Variants in PTPRT observed in about 807,000 individuals in gnomAD.
The protein encoded by PTPRT is receptor-type tyrosine-protein phosphatase T.
PTPRT carries 56 observed loss-of-function variants against 176.8 expected under a neutral mutation model. The ratio of observed to expected loss-of-function variants is 0.32; its 90% CI spans 0.26 to 0.40. The LOEUF (loss-of-function observed/expected upper bound fraction) is 0.40, where lower values mean the gene tolerates loss of function less well. PTPRT is among the 10% of genes least tolerant of loss of function. The probability of loss-of-function intolerance (pLI) is 1.00; values close to 1 mark genes in which losing one functional copy is unlikely to be tolerated. For missense variants in PTPRT, 1,540 were observed against 1,908.2 expected, an observed-to-expected ratio of 0.81 and a Z score of 3.60; for synonymous variants, 783 against 739.0, an observed-to-expected ratio of 1.06 and a Z score of -0.96.
At chr20:42,409,147 C>A (rs1025614654) in intron 9 of PTPRT, among the ~76,000 whole-genome samples, 6 of 151,772 alleles carry the variant, frequency 4.0e-5, no homozygotes, top group African/African-American at 9.7e-5. Flanking sequence ...CCATTGCAAT[C>A]AAAAAAAGTT....
Position 43,009,114 on chromosome 20 carries a change from T to C in PTPRT, c.89-123182A>G, listed in dbSNP as rs1376377554. 2.6e-5 allele frequency among the ~76,000 whole-genome samples: 4 copies of C among 152,132 alleles called. No individual in the cohort carries two copies. The East Asian group carries it at 7.7e-4, about 29-fold the overall frequency. The stretch of plus-strand genomic sequence containing the variant: ...AATGGCAAGACAGGGCAAGGAGCAA[T>C]GGGAGCTGTGAGTCTACTTCAAGGT... On this transcript the variant is annotated intron_variant, in intron 1 of 30. Transcript: ENST00000373187.
At chr20:42,576,343 A>G (rs1348579845) in intron 7 of PTPRT, among the ~76,000 whole-genome samples, 2 of 152,194 alleles carry the variant, frequency 1.3e-5, no homozygotes, top group Non-Finnish European at 2.9e-5. Flanking sequence ...TAAATCCTGA[A>G]CATCTGGAAG....
chr20:42,034,580 G>A, the PTPRT span, among the ~76,000 whole-genome samples: 13 of 152,106 alleles, frequency 8.5e-5, no homozygotes, highest in African/African-American at 3.1e-4. Context: ...CTCATGTAGG[G>A]TTCCTTCCAG....
rs116910893 is a variant in PTPRT, at chr20:42,380,324, A to C, written c.1561-28039T>G. 2.7e-3 allele frequency among the ~76,000 whole-genome samples: 409 copies of C among 152,076 alleles called. 1 individual carries two copies. Among genetic ancestry groups the C allele is most frequent in the Non-Finnish European group, 3.5e-3 (241 of 67,992 alleles). On this transcript the variant is annotated intron_variant, in intron 9 of 30. Transcript: ENST00000373187. ...AAATGGCCAGCTTTCTGGCACCGAG[A>C]TGCATTAGGCACTGACTGGTAGGCT...
At chr20:42,774,692 C>A in intron 4 of PTPRT, among the ~76,000 whole-genome samples, 1 of 152,218 alleles carries the variant, frequency 6.6e-6, no homozygotes, top group Non-Finnish European at 1.5e-5. Flanking sequence ...GGGATGCCCC[C>A]ACCACTCCAT....
intron 2 of PTPRT, among the ~76,000 whole-genome samples, chr20:42,807,559 A>AT (rs1018407729): frequency 7.9e-5 from 12 of 151,750 alleles, no homozygotes; most frequent in African/African-American, 1.9e-4. Flanking sequence ...TTTTCTGGTT[A>AT]TTTTTTTTAC....
intron 9 of PTPRT, among the ~76,000 whole-genome samples, chr20:42,418,252 C>T (rs1217670810): frequency 6.6e-6 from 1 of 152,226 alleles, no homozygotes; most frequent in Admixed American, 6.5e-5. Context: ...TAAAACTATA[C>T]ATTATTAAAA....
At chr20:42,579,514 C>T (rs143140372) in intron 7 of PTPRT, among the ~76,000 whole-genome samples, 241 of 152,304 alleles carry the variant, frequency 1.6e-3, no homozygotes, top group African/African-American at 4.5e-3. Context: ...AACTAGTTTA[C>T]AGTCCCACCA....
Position 42,942,270 on chromosome 20 carries a change from G to C in PTPRT, c.89-56338C>G, listed in dbSNP as rs73907416. On this transcript the variant is annotated intron_variant, in intron 1 of 30. Coordinates refer to ENST00000373187, the MANE Select transcript of PTPRT (RefSeq NM_007050.6). ...GGCTGGCTGGGTCAAGAGGAGGATG[G>C]GGCACTGGGCAACCAACAGGAAAGG... 3.7e-3 allele frequency among the ~76,000 whole-genome samples: 564 copies of C among 152,282 alleles called. 2 individuals carry two copies. Among genetic ancestry groups the C allele is most frequent in the African/African-American group, 0.013 (537 of 41,566 alleles).
At chr20:42,614,270 T>A (rs537661694) in intron 7 of PTPRT, among the ~76,000 whole-genome samples, 2 of 152,194 alleles carry the variant, frequency 1.3e-5, no homozygotes, top group South Asian at 4.2e-4. Context: ...TCACAATGGA[T>A]TTGAACACCC....
chr20:42,363,734 G>A (rs777261551), intron 9 of PTPRT, among the ~76,000 whole-genome samples: 5 of 152,064 alleles, frequency 3.3e-5, no homozygotes, highest in Admixed American at 1.3e-4. Flanking sequence ...GGCTACTACC[G>A]TTACTATTCC....
At chr20:42,765,493 G>A (rs531517597) in intron 5 of PTPRT, among the ~76,000 whole-genome samples, 19 of 152,162 alleles carry the variant, frequency 1.2e-4, no homozygotes, top group African/African-American at 4.6e-4. Context: ...CTGTAACTGG[G>A]AAAAAGTGAC....
At chr20:42,387,883 C>T (rs866694502) in intron 9 of PTPRT, among the ~76,000 whole-genome samples, 1 of 151,908 alleles carries the variant, frequency 6.6e-6, no homozygotes, top group Non-Finnish European at 1.5e-5. Context: ...CCCCTACCTC[C>T]TGGGTTCAAA....
chr20:42,225,180 C>T (rs2055977563), intron 15 of PTPRT, among the ~76,000 whole-genome samples: 1 of 152,094 alleles, frequency 6.6e-6, no homozygotes, highest in African/African-American at 2.4e-5. Context: ...TAAAATCCTC[C>T]TACTTCATTC....
chr20:42,034,170 T>C, the PTPRT span, among the ~76,000 whole-genome samples: 2 of 152,170 alleles, frequency 1.3e-5, no homozygotes, highest in African/African-American at 4.8e-5. Context: ...AGGTGTTGAA[T>C]GAGACTGCAG....
At chr20:43,081,650 C>A (rs1315753378) in intron 1 of PTPRT, among the ~76,000 whole-genome samples, 1 of 152,096 alleles carries the variant, frequency 6.6e-6, no homozygotes, top group Non-Finnish European at 1.5e-5. Context: ...TTCATTGACT[C>A]AGAGAATATG....
At chr20:42,465,083 A>G (rs2145902996) in intron 8 of PTPRT, among the ~76,000 whole-genome samples, 1 of 152,066 alleles carries the variant, frequency 6.6e-6, no homozygotes. Flanking sequence ...ATTAATTATA[A>G]TCAATTACAT....
intron 6 of PTPRT, among the ~76,000 whole-genome samples, chr20:42,701,884 A>G (rs1465815081): frequency 6.6e-6 from 1 of 152,078 alleles, no homozygotes; most frequent in Non-Finnish European, 1.5e-5. Flanking sequence ...CTAGATCTAG[A>G]GTTCTTGTTT....
chr20:42,586,523 C>T (rs767030268), intron 7 of PTPRT, among the ~76,000 whole-genome samples: 2 of 152,136 alleles, frequency 1.3e-5, no homozygotes, highest in East Asian at 1.9e-4. Context: ...TCCACCAGAG[C>T]CTGCATTTTC....
Sources: gnomAD v4.1 joint callset for allele counts (sites outside exome capture counted in the v4.1 genomes callset) on GRCh38, gnomAD v4.1.1 for gene constraint, MANE v1.5 for transcripts, NCBI Gene and HGNC (gene_info 2026-07-23, HGNC 2026-07-21) for gene names.